SGSM1: variants seen among roughly 807,000 people sequenced by gnomAD.
SGSM1 encodes RUN and TBC1 domain containing 2.
A neutral mutation model predicts 133.8 loss-of-function variants in SGSM1; 73 were observed. The observed-to-expected ratio is 0.55, with a 90% CI of 0.45 to 0.66. SGSM1 has a LOEUF of 0.66. SGSM1 is among the 30% of genes least tolerant of loss of function. The pLI is 0.00. For missense variants in SGSM1, 1,213 were observed against 1,448.1 expected, an observed-to-expected ratio of 0.84 and a Z score of 2.64; for synonymous variants, 563 against 573.0, an observed-to-expected ratio of 0.98 and a Z score of 0.25.
Position 24,886,624 on chromosome 22 carries a change from C to T in SGSM1, c.1666C>T (p.Arg556Cys), listed in dbSNP as rs759798513. 1.3e-4 allele frequency: 197 copies of T among 1,553,444 alleles called. No individual in the cohort carries two copies. Among genetic ancestry groups the T allele is most frequent in the Non-Finnish European group, 1.5e-4 (176 of 1,148,008 alleles). The change falls in exon 16 of 25, where the codon CGC becomes TGC. Residue 556 changes from arginine (R) to cysteine (C), a missense_variant. Physicochemically the swap from Arg to Cys is radical, Grantham distance 180. Transcript: ENST00000400358. The stretch of plus-strand genomic sequence containing the variant: ...GAGTTACGAGGAGCAGGAGCTGCTG[C>T]GCCTCATCTACTACGGGGGCATCCA... ...STSYEEQELLRLIYYGGIQPE... is the reference protein window; with the variant it reads ...STSYEEQELLCLIYYGGIQPE...
chr22:24,881,606 A>G (rs751339477), intron 14 of SGSM1, among the ~76,000 whole-genome samples: 9 of 150,884 alleles, frequency 6.0e-5, no homozygotes, highest in South Asian at 2.1e-4. Flanking sequence ...AAAACCAGCA[A>G]CAACAACAAA....
At chr22:24,900,586 G>T (rs2123710023) in intron 19 of SGSM1, among the ~76,000 whole-genome samples, 1 of 151,936 alleles carries the variant, frequency 6.6e-6, no homozygotes, top group East Asian at 1.9e-4. Context: ...TAGTAGAGAT[G>T]GGTTTTCTCC....
At chr22:24,919,296 C>T (rs372509382) in intron 23 of SGSM1, among the ~76,000 whole-genome samples, 7 of 152,072 alleles carry the variant, frequency 4.6e-5, no homozygotes, top group South Asian at 4.2e-4. Flanking sequence ...GTGATCCACC[C>T]GCCTCGGCCT....
intron 2 of SGSM1, among the ~76,000 whole-genome samples, chr22:24,839,615 G>C (rs1436369530): frequency 6.6e-6 from 1 of 152,012 alleles, no homozygotes; most frequent in Non-Finnish European, 1.5e-5. Context: ...TGTGGTCCTG[G>C]GCTTCTCATT....
chr22:24,853,876 C>T (rs1930630993), intron 5 of SGSM1, among the ~76,000 whole-genome samples: 1 of 151,764 alleles, frequency 6.6e-6, no homozygotes, highest in Admixed American at 6.6e-5. Context: ...CTTGGCCTCC[C>T]AAAGTGCTAG....
At position 24,879,498 on chromosome 22, in the gene SGSM1, C is replaced by T. The variant is rs1194358537; in HGVS notation, c.1467C>T (p.Tyr489=). The T allele has an allele frequency of 6.2e-7, 1 of 1,613,810 alleles. No individual in the cohort carries two copies. Among genetic ancestry groups the T allele is most frequent in the Admixed American group, 1.7e-5 (1 of 60,010 alleles). Residue 489 remains tyrosine (Y), a synonymous_variant, in exon 14 of 25, where the codon TAC becomes TAT. Transcript: ENST00000400358. The part of the protein sequence containing the change: ...PLKLLCDNMK[Y]QILSRAFYGW... ...AACTTCTCTGTGACAATATGAAGTACCAGATCCTCTCCAGAGCCTTCTATG... is the reference window on the plus strand; with the variant it reads ...AACTTCTCTGTGACAATATGAAGTATCAGATCCTCTCCAGAGCCTTCTATG...
At chr22:24,874,679 G>A (rs1931943274) in intron 12 of SGSM1, 3 of 1,413,300 alleles carry the variant, frequency 2.1e-6, no homozygotes, top group Non-Finnish European at 2.8e-6. Flanking sequence ...AGGCAGGAAG[G>A]GAGATGGAGG....
rs1460600853 is a variant in SGSM1, at chr22:24,893,607, C to T, written c.1947C>T (p.Ser649=). Residue 649 remains serine, a synonymous_variant, in exon 17 of 25, where the codon AGC becomes AGT. Coordinates refer to ENST00000400358, the MANE Select transcript of SGSM1 (RefSeq NM_001098497.3). The part of the protein sequence containing the change: ...HRMLHRDSTI[S]NESSQSCSSG... ...TGTTGCACAGGGACTCAACCATCAG[C>T]AATGAGGTGATGGGCGGCTGGCCTC... 7 of 1,565,788 alleles carry T rather than the reference C, an allele frequency of 4.5e-6. No homozygotes were observed.
At chr22:24,921,690 A>G (rs1288631312) in intron 24 of SGSM1, among the ~76,000 whole-genome samples, 3 of 150,228 alleles carry the variant, frequency 2.0e-5, no homozygotes, top group Non-Finnish European at 1.5e-5. Context: ...TTGAAAAAAT[A>G]ATACATATGT....
At chr22:24,894,762 T>C (rs1250218216) in intron 17 of SGSM1, among the ~76,000 whole-genome samples, 2 of 152,090 alleles carry the variant, frequency 1.3e-5, no homozygotes, top group East Asian at 3.9e-4. Flanking sequence ...AAGCCTCTGC[T>C]GAGTCAAGTT....
intron 3 of SGSM1, among the ~76,000 whole-genome samples, 196 bp from the exon 4 acceptor site, chr22:24,847,438 C>T (rs1930208967): frequency 6.6e-6 from 1 of 152,182 alleles, no homozygotes; most frequent in African/African-American, 2.4e-5. Context: ...AGGAGTACTT[C>T]TTATATAGTC....
At chr22:24,895,199 C>G (rs1469324736) in intron 17 of SGSM1, 24 bp from the exon 18 acceptor site, 2 of 1,593,640 alleles carry the variant, frequency 1.3e-6, no homozygotes, top group Non-Finnish European at 1.7e-6. Flanking sequence ...CACCCTCCCT[C>G]CCTCCTGCTC....
At chr22:24,913,550 T>C (rs1026684080) in intron 22 of SGSM1, among the ~76,000 whole-genome samples, 1 of 152,180 alleles carries the variant, frequency 6.6e-6, no homozygotes, top group Non-Finnish European at 1.5e-5. Context: ...ATGTGTTAAC[T>C]TGAGTAAATA....
chr22:24,913,659 A>C (rs1482439877), intron 22 of SGSM1, among the ~76,000 whole-genome samples: 1 of 152,222 alleles, frequency 6.6e-6, no homozygotes, highest in African/African-American at 2.4e-5. Flanking sequence ...TATTTTGGAC[A>C]TAAGAAAGGT....
intron 18 of SGSM1, among the ~76,000 whole-genome samples, chr22:24,896,663 T>A (rs973108487): frequency 6.6e-6 from 1 of 151,896 alleles, no homozygotes; most frequent in Non-Finnish European, 1.5e-5. Context: ...TGTTAACTAA[T>A]TTTTTGAATG....
At chr22:24,829,531 T>G (rs180938239) in intron 2 of SGSM1, among the ~76,000 whole-genome samples, 18 of 152,338 alleles carry the variant, frequency 1.2e-4, no homozygotes, top group African/African-American at 3.4e-4. Context: ...AAACGTTTGT[T>G]TTTCTTTAAA....
chr22:24,864,309 C>T (rs1479911875), intron 9 of SGSM1, among the ~76,000 whole-genome samples: 4 of 152,172 alleles, frequency 2.6e-5, no homozygotes, highest in Non-Finnish European at 4.4e-5. Flanking sequence ...CAATTCTGCT[C>T]ATAGGGATCT....
Position 24,917,734 on chromosome 22 carries a change from T to A in SGSM1, c.3005T>A (p.Phe1002Tyr), listed in dbSNP as rs950600154. The change falls in exon 23 of 25, where the codon TTC (phenylalanine) becomes TAC (tyrosine). Residue 1002 changes from phenylalanine to tyrosine, a missense_variant. Physicochemically the swap from Phe to Tyr is conservative, Grantham distance 22 (BLOSUM62 3). Transcript: ENST00000400358. Reference protein sequence around the residue: ...YTHFYFCYRWFLLDFKRELVY... With the variant: ...YTHFYFCYRWYLLDFKRELVY... The stretch of plus-strand genomic sequence containing the variant: ...CACTTCTACTTCTGCTACCGCTGGT[T>A]CCTGCTGGATTTCAAGCGAGGTACA... 17 of 1,613,814 alleles carry A rather than the reference T, an allele frequency of 1.1e-5. No homozygotes were observed. The highest frequency in any genetic ancestry group is 1.4e-5 in the Non-Finnish European group (17 of 1,179,932).
intron 16 of SGSM1, among the ~76,000 whole-genome samples, chr22:24,888,869 C>T (rs1006183360): frequency 6.6e-6 from 1 of 151,350 alleles, no homozygotes; most frequent in Non-Finnish European, 1.5e-5. Context: ...ATGAATCTGT[C>T]CTTCTGCCAG....
Sources: allele counts gnomAD v4.1 joint callset (sites outside exome capture counted in the v4.1 genomes callset), GRCh38; gene constraint gnomAD v4.1.1; transcripts MANE v1.5; gene names NCBI Gene and HGNC (gene_info 2026-07-23, HGNC 2026-07-21).